The following ERO1B variants were observed in gnomAD, a reference collection of about 807,000 sequenced individuals.
ERO1B encodes endoplasmic reticulum oxidoreductase 1 beta.
In ERO1B, 49 loss-of-function variants were observed where a neutral mutation model predicts 75.3. The ratio of observed to expected loss-of-function variants is 0.65; its 90% CI spans 0.52 to 0.83. ERO1B has a LOEUF of 0.83. ERO1B is among the 40% of genes least tolerant of loss of function. The pLI is 0.00. For missense variants in ERO1B, 512 were observed against 560.1 expected (o/e 0.91, Z 0.87); for synonymous variants, 191 against 192.9 (o/e 0.99, Z 0.08).
At chr1:236,228,527 CA>C (rs1664328492) in intron 10 of ERO1B, among the ~76,000 whole-genome samples, 1 of 152,198 alleles carries the variant, frequency 6.6e-6, no homozygotes, top group Non-Finnish European at 1.5e-5. Flanking sequence ...AGGCAGAATC[CA>C]CCAACTTCTA....
intron 2 of ERO1B, among the ~76,000 whole-genome samples, chr1:236,254,969 C>A (rs937149855): frequency 3.3e-5 from 5 of 151,734 alleles, no homozygotes; most frequent in Non-Finnish European, 7.4e-5. Context: ...GTTACCCAGG[C>A]TGGAGTGCAG....
Position 236,281,702 on chromosome 1 carries a change from G to T in ERO1B, c.82C>A (p.Arg28=). 1 of 1,493,750 alleles carries T rather than the reference G, an allele frequency of 6.7e-7. No homozygotes were observed. The highest frequency in any genetic ancestry group is 8.9e-7 in the Non-Finnish European group (1 of 1,122,390). The allele number at this position is 1,493,750 out of a possible 1,614,324, so 92.5% of individuals were successfully genotyped here. ...VQLLVTLSFL[R]SVVEAQVTGV... ...CTTACCTGCGCCTCGACGACGCTCC[G>T]CAGGAAGCTCAGGGTGACCAGCAGC... Residue 28 remains arginine (R), a synonymous_variant, in exon 1 of 16, where the codon CGG becomes AGG. Coordinates refer to ENST00000354619, the MANE Select transcript of ERO1B (RefSeq NM_019891.4).
chr1:236,250,342 C>T (rs547531374), intron 4 of ERO1B, among the ~76,000 whole-genome samples: 129 of 151,772 alleles, frequency 8.5e-4, no homozygotes, highest in Non-Finnish European at 1.4e-3. Flanking sequence ...TGGTGGCACA[C>T]GCCTGTAATC....
In ERO1B at chr1:236,218,074, T is replaced by TAAG. The variant is rs1664043095; in HGVS notation, c.*441_*442insCTT. On this transcript the variant is annotated 3_prime_UTR_variant, in exon 16 of 16. Coordinates refer to ENST00000354619, the MANE Select transcript of ERO1B (RefSeq NM_019891.4). ...CAGTGAGGCAAGGGTAAAAACACAT[T>TAAG]AAAAAGCATTGATAAATTTTTCTCA... The TAAG allele has an allele frequency of 6.6e-6, 1 of 152,100 alleles. No homozygotes were observed. The highest frequency in any genetic ancestry group is 2.4e-5 in the African/African-American group (1 of 41,422). 9.4% of individuals were successfully genotyped at this position (152,100 alleles called of 1,614,324 possible).
In ERO1B at chr1:236,217,922, T is replaced by C. The variant is rs1229877010; in HGVS notation, c.*594A>G. On this transcript the variant is annotated 3_prime_UTR_variant, in exon 16 of 16. Coordinates refer to ENST00000354619, the MANE Select transcript of ERO1B (RefSeq NM_019891.4). ...AAACTGCAAATAAAAACCAATGAAA[T>C]TGAAGTCCTGGGGAATCTTCAGGAA... The C allele has an allele frequency of 2.6e-5, 4 of 152,240 alleles. 1 individual carries two copies. The highest frequency in any genetic ancestry group is 7.2e-5 in the African/African-American group (3 of 41,548). 9.4% of individuals were successfully genotyped at this position (152,240 alleles called of 1,614,324 possible).
chr1:236,263,726 T>C (rs1240301282), intron 2 of ERO1B, among the ~76,000 whole-genome samples: 1 of 151,512 alleles, frequency 6.6e-6, no homozygotes. Flanking sequence ...TACTTATTCC[T>C]ATATATCTTA....
rs1269842218 is a variant in ERO1B, at chr1:236,239,817, A to ATATGTG, written c.506-3420_506-3419insCACATA. 2.6e-4 allele frequency among the ~76,000 whole-genome samples: 34 copies of ATATGTG among 131,968 alleles called. 1 individual carries two copies. The highest frequency in any genetic ancestry group is 9.9e-4 in the African/African-American group (33 of 33,264). The allele number at this position is 131,968 out of a possible 152,430, so 86.6% of individuals were successfully genotyped here. On this transcript the variant is annotated intron_variant, in intron 6 of 15. Coordinates refer to ENST00000354619, the MANE Select transcript of ERO1B (RefSeq NM_019891.4). ...TATATATATATATATGTGTGTATAT[A>ATATGTG]TATATGTGTATATATATGTGTATAT...
At chr1:236,230,189 C>A in intron 10 of ERO1B, 35 bp downstream of exon 10, 2 of 1,514,422 alleles carry the variant, frequency 1.3e-6, no homozygotes, top group Non-Finnish European at 1.8e-6. Context: ...TATTTTTTAA[C>A]AAAAAATCCA....
intron 15 of ERO1B, 168 bp downstream of exon 15, chr1:236,220,664 A>G: frequency 1.9e-6 from 1 of 525,664 alleles, no homozygotes; most frequent in Non-Finnish European, 3.1e-6. Flanking sequence ...TATGACCTGT[A>G]GAGAAACTGA....
At chr1:236,250,991 T>C (rs1240488529) in intron 4 of ERO1B, among the ~76,000 whole-genome samples, 1 of 152,064 alleles carries the variant, frequency 6.6e-6, no homozygotes, top group Non-Finnish European at 1.5e-5. Flanking sequence ...GCATTACTGT[T>C]TGAAATAGCC....
chr1:236,237,116 C>CTTTTTTTTTTTTTTT (rs67072171), intron 6 of ERO1B, among the ~76,000 whole-genome samples: 1 of 105,476 alleles, frequency 9.5e-6, no homozygotes, highest in Non-Finnish European at 1.9e-5. Context: ...ACTATTTGGA[C>CTTTTTTTTTTTTTTT]TTTTTTTTTT....
At chr1:236,239,313 G>A (rs969956962) in intron 6 of ERO1B, among the ~76,000 whole-genome samples, 12 of 152,126 alleles carry the variant, frequency 7.9e-5, no homozygotes, top group African/African-American at 2.9e-4. Flanking sequence ...ATGGAACACA[G>A]CCATGTTCAT....
intron 5 of ERO1B, among the ~76,000 whole-genome samples, chr1:236,245,823 C>T (rs1558513732): frequency 1.3e-5 from 2 of 151,098 alleles, no homozygotes; most frequent in Non-Finnish European, 2.9e-5. Context: ...AACTCCTGGC[C>T]TCACATGATC....
intron 12 of ERO1B, 127 bp from the exon 13 acceptor site, chr1:236,225,266 G>A: frequency 2.3e-6 from 2 of 870,998 alleles, no homozygotes; most frequent in Non-Finnish European, 3.6e-6. Flanking sequence ...TGTAAGTTTT[G>A]GTAATGTAGA....
At chr1:236,236,462 C>A (rs1262167) in intron 6 of ERO1B, 64 bp from the exon 7 acceptor site, 1 of 1,567,196 alleles carries the variant, frequency 6.4e-7, no homozygotes, top group South Asian at 1.1e-5. Context: ...TTTAACAGTA[C>A]AAAGCAAACC....
chr1:236,221,028 A>C (rs1025321280), intron 14 of ERO1B, 63 bp from the exon 15 acceptor site: 1 of 1,259,112 alleles, frequency 7.9e-7, no homozygotes, highest in Non-Finnish European at 1.0e-6. Context: ...AAAAAGGCTT[A>C]AAGGAATATA....
chr1:236,243,967 A>C (rs923695763), intron 5 of ERO1B, among the ~76,000 whole-genome samples: 23 of 152,146 alleles, frequency 1.5e-4, no homozygotes, highest in Non-Finnish European at 2.5e-4. Flanking sequence ...TGTGGTATTC[A>C]CTGGTTACAA....
chr1:236,266,609 A>T (rs1424506139), intron 2 of ERO1B, among the ~76,000 whole-genome samples: 1 of 152,064 alleles, frequency 6.6e-6, no homozygotes, highest in African/African-American at 2.4e-5. Flanking sequence ...GTCTCAAAAA[A>T]AAAAAAATTA....
At chr1:236,259,535 A>C in intron 2 of ERO1B, among the ~76,000 whole-genome samples, 1 of 152,194 alleles carries the variant, frequency 6.6e-6, no homozygotes, top group East Asian at 1.9e-4. Flanking sequence ...ACAGACTGAA[A>C]AGATAGAAAA....
Sources: gnomAD v4.1 joint callset for allele counts (sites outside exome capture counted in the v4.1 genomes callset) on GRCh38, gnomAD v4.1.1 for gene constraint, MANE v1.5 for transcripts, NCBI Gene and HGNC (gene_info 2026-07-23, HGNC 2026-07-21) for gene names.